LONRF2: variants seen among roughly 807,000 people sequenced by gnomAD.
LONRF2 encodes LON peptidase N-terminal domain and ring finger 2.
Under a neutral mutation model 66.6 loss-of-function variants are expected in LONRF2, and 35 were observed. The observed-to-expected ratio is 0.53, with a 90% CI of 0.40 to 0.70. The LOEUF (loss-of-function observed/expected upper bound fraction) is 0.70. Ranked by LOEUF, LONRF2 falls within the 30% of genes least tolerant of loss-of-function variation. LONRF2 has a pLI of 0.00. For synonymous variants in LONRF2, 417 were observed against 418.1 expected (o/e 1.00, Z 0.03); for missense variants, 902 against 1,002.1 (o/e 0.90, Z 1.35).
intron 1 of LONRF2, among the ~76,000 whole-genome samples, chr2:100,315,125 A>T (rs1274566617): frequency 1.3e-5 from 2 of 152,234 alleles, no homozygotes; most frequent in Non-Finnish European, 2.9e-5. Context: ...TTCTCTCAGA[A>T]ATGTTTCATG....
Position 100,322,169 on chromosome 2 carries a change from C to G in LONRF2, c.-76G>C. The G allele has an allele frequency of 8.3e-7, 1 of 1,198,440 alleles. No individual in the cohort carries two copies. Among genetic ancestry groups the G allele is most frequent in the Non-Finnish European group, 1.0e-6 (1 of 963,684 alleles). The allele number at this position is 1,198,440 out of a possible 1,614,324, so 74.2% of individuals were successfully genotyped here. ...AGGATGCGCTGCTGCTGGGAACTGG[C>G]CGGCGGGAGCGCGGTCTCAGCCCTC... On this transcript the variant is annotated 5_prime_UTR_variant, in exon 1 of 12. Coordinates refer to ENST00000393437, the MANE Select transcript of LONRF2 (RefSeq NM_198461.4).
Position 100,279,169 on chromosome 2 carries a change from A to G in LONRF2, c.*5129T>C, listed in dbSNP as rs1674660995. On this transcript the variant is annotated 3_prime_UTR_variant, in exon 12 of 12. Coordinates refer to ENST00000393437, the MANE Select transcript of LONRF2 (RefSeq NM_198461.4). Reference sequence around the variant, plus strand: ...CTCCCTGTGGTGACACATGAACACCACGAGTCTCTACTTATCCTTTACTGA... The same window carrying G: ...CTCCCTGTGGTGACACATGAACACCGCGAGTCTCTACTTATCCTTTACTGA... 1 of 151,546 alleles carries G rather than the reference A, an allele frequency of 6.6e-6. No individual in the cohort carries two copies. Among genetic ancestry groups the G allele is most frequent in the Non-Finnish European group, 1.5e-5 (1 of 67,888 alleles). 9.4% of individuals were successfully genotyped at this position (151,546 alleles called of 1,614,324 possible).
chr2:100,316,393 G>GAAATTCTAATAATTCTA (rs1675509237), intron 1 of LONRF2, among the ~76,000 whole-genome samples: 2 of 147,952 alleles, frequency 1.4e-5, no homozygotes, highest in African/African-American at 5.0e-5. Flanking sequence ...ATAATTATTA[G>GAAATTCTAATAATTCTA]ATAATTAGAA....
chr2:100,314,966 C>T (rs1431240615), intron 1 of LONRF2, among the ~76,000 whole-genome samples: 1 of 152,176 alleles, frequency 6.6e-6, no homozygotes, highest in Non-Finnish European at 1.5e-5. Context: ...GGCCATTCAT[C>T]AATTTCCACC....
chr2:100,307,827 T>C (rs1277819439), intron 2 of LONRF2, among the ~76,000 whole-genome samples: 2 of 152,210 alleles, frequency 1.3e-5, no homozygotes, highest in Non-Finnish European at 2.9e-5. Context: ...ATGTTTCAAA[T>C]CTACATATTG....
At chr2:100,294,479 T>A in intron 8 of LONRF2, 92 bp from the exon 9 acceptor site, 1 of 1,195,502 alleles carries the variant, frequency 8.4e-7, no homozygotes, top group Non-Finnish European at 1.1e-6. Flanking sequence ...CCAGCCAACC[T>A]CAGTTCTCCC....
rs202073667 is a variant in LONRF2, at chr2:100,300,332, T to C, written c.1065+312A>G. 5.3e-5 allele frequency among the ~76,000 whole-genome samples: 8 copies of C among 152,254 alleles called. No homozygotes were observed. In the East Asian group the frequency reaches 1.5e-3, roughly 29 times the overall value. Reference sequence around the variant, plus strand: ...TTGTTACATATGTATACATGTGCCATGTTGGTGTGCTGCCCCCTTTAACTT... The same window carrying C: ...TTGTTACATATGTATACATGTGCCACGTTGGTGTGCTGCCCCCTTTAACTT... On this transcript the variant is annotated intron_variant, in intron 4 of 11. Coordinates refer to ENST00000393437, the MANE Select transcript of LONRF2 (RefSeq NM_198461.4).
Position 100,321,508 on chromosome 2 carries a change from G to C in LONRF2, c.586C>G (p.Arg196Gly). 6.5e-7 allele frequency: 1 copy of C among 1,548,086 alleles called. No homozygotes were observed. Among genetic ancestry groups the C allele is most frequent in the African/African-American group, 1.4e-5 (1 of 70,410 alleles). Residue 196 changes from arginine to glycine, a missense_variant, in exon 1 of 12, where the codon CGG becomes GGG. This residue lies in a region of LONRF2 where 585 missense variants were observed against 569.9 expected (regional missense o/e 1.03). Coordinates refer to ENST00000393437, the MANE Select transcript of LONRF2 (RefSeq NM_198461.4). ...GCCTGGCCTGCCAGCCTGCGCAGCC[G>C]GCACTCGGCCGGGAAGCACTTCTCC... ...LLEKCFPAEC[R>G]LRRLAGQARS...
Position 100,290,272 on chromosome 2 carries a change from G to A in LONRF2, c.1906C>T (p.Leu636Phe). Residue 636 changes from leucine to phenylalanine, a missense_variant, in exon 10 of 12, where the codon CTT becomes TTT. Leu to Phe is a conservative substitution (Grantham distance 22). Coordinates refer to ENST00000393437, the MANE Select transcript of LONRF2 (RefSeq NM_198461.4). The stretch of plus-strand genomic sequence containing the variant: ...ATAAGCCTTACCTTTTCATCTTCAA[G>A]ATATTCAATGTCCGCTGTGTTATAG... The part of the protein sequence containing the change: ...DGYNTADIEY[L>F]EDEKVEGPEY... 2 of 1,612,942 alleles carry A rather than the reference G, an allele frequency of 1.2e-6. No individual in the cohort carries two copies.
intron 10 of LONRF2, 114 bp downstream of exon 10, chr2:100,290,144 T>A (rs1207732982): frequency 7.1e-6 from 7 of 984,744 alleles, no homozygotes; most frequent in Non-Finnish European, 1.0e-5. Flanking sequence ...ACTTAAGTGA[T>A]GAATTAAGGA....
At chr2:100,295,297 A>AT in intron 8 of LONRF2, 135 bp downstream of exon 8, 2 of 657,490 alleles carry the variant, frequency 3.0e-6, no homozygotes, top group Non-Finnish European at 2.4e-6. Flanking sequence ...TTCCAAAAAT[A>AT]TTTTGCAATT....
intron 3 of LONRF2, among the ~76,000 whole-genome samples, chr2:100,302,052 C>T (rs182801801): frequency 2.0e-5 from 3 of 152,176 alleles, no homozygotes; most frequent in South Asian, 2.1e-4. Flanking sequence ...AAAAGAGGAA[C>T]GAGGTATTTA....
Position 100,309,120 on chromosome 2 carries a change from G to C in LONRF2, c.785C>G (p.Pro262Arg). Residue 262 changes from proline (P) to arginine (R), a missense_variant, in exon 2 of 12, where the codon CCT (proline) becomes CGT (arginine). By Grantham distance (103) the Pro-to-Arg change is moderately radical. Around this residue, in one of 2 missense-constraint regions of LONRF2, gnomAD observed 585 missense variants for 569.9 expected, o/e 1.03. Transcript: ENST00000393437. ...QDASAACQNE[P>R]LLIKGHQVKA... ...AAATACAAATACCTTAATCAAGAGA[G>C]GTTCATTCTGACAAGCTGCACTGGC... 1 of 1,588,866 alleles carries C rather than the reference G, an allele frequency of 6.3e-7. No homozygotes were observed. Among genetic ancestry groups the C allele is most frequent in the Non-Finnish European group, 8.6e-7 (1 of 1,168,654 alleles).
chr2:100,274,396 T>A lies in LONRF2; in HGVS notation c.*9902A>T, dbSNP rs1436881673. The A allele has an allele frequency of 1.3e-5, 2 of 152,224 alleles. No individual in the cohort carries two copies. The highest frequency in any genetic ancestry group is 4.8e-5 in the African/African-American group (2 of 41,440). 9.4% of individuals were successfully genotyped at this position (152,224 alleles called of 1,614,324 possible). The stretch of plus-strand genomic sequence containing the variant: ...CTCTCTAGAGGAAAAACCTACTCAT[T>A]TGAGACTACAAACCTCTTCTAGAAG... On this transcript the variant is annotated 3_prime_UTR_variant, in exon 12 of 12. Transcript: ENST00000393437.
chr2:100,314,637 C>A (rs927561369), intron 1 of LONRF2, among the ~76,000 whole-genome samples: 2 of 152,114 alleles, frequency 1.3e-5, no homozygotes, highest in African/African-American at 2.4e-5. Context: ...CAACTGCCTA[C>A]CCCAAGTCCT....
intron 4 of LONRF2, 85 bp from the exon 5 acceptor site, chr2:100,300,003 A>C (rs1675148074): frequency 2.1e-6 from 1 of 467,272 alleles, no homozygotes; most frequent in Non-Finnish European, 3.4e-6. Flanking sequence ...TGTACTAGAA[A>C]TCTTTGGAAA....
At chr2:100,316,623 A>G (rs10048665) in intron 1 of LONRF2, among the ~76,000 whole-genome samples, 76,801 of 151,568 alleles carry the variant, frequency 0.51, 19,785 homozygotes, top group East Asian at 0.76. Flanking sequence ...ACCACAGGCC[A>G]ACTCCAACGC....
At chr2:100,295,284 T>C (rs1001141464) in intron 8 of LONRF2, 148 bp downstream of exon 8, 32 of 616,732 alleles carry the variant, frequency 5.2e-5, no homozygotes, top group Non-Finnish European at 7.0e-5. Flanking sequence ...CTTGCAATTA[T>C]GTTTCCAAAA....
intron 10 of LONRF2, among the ~76,000 whole-genome samples, chr2:100,289,430 C>CTTTTTTTTTT (rs10543662): frequency 1.3e-5 from 1 of 77,074 alleles, no homozygotes. Context: ...ACAATAAGGT[C>CTTTTTTTTTT]TTTTTTTTTT....
Sources: gnomAD v4.1 joint callset for allele counts (sites outside exome capture counted in the v4.1 genomes callset) on GRCh38, gnomAD v4.1.1 for gene constraint, gnomAD v4.1.1 regional missense constraint, MANE v1.5 for transcripts, NCBI Gene and HGNC (gene_info 2026-07-23, HGNC 2026-07-21) for gene names.